GALNTL6: variants seen among roughly 807,000 people sequenced by gnomAD.
The protein encoded by GALNTL6 is polypeptide N-acetylgalactosaminyltransferase-like 6.
Under a neutral mutation model 73.7 loss-of-function variants are expected in GALNTL6, and 46 were observed. The observed-to-expected ratio is 0.62, with a 90% confidence interval of 0.49 to 0.80. GALNTL6 has a LOEUF of 0.80. Among genes scored for constraint, GALNTL6 ranks in the 30% least tolerant of loss-of-function variants. The pLI, the probability that GALNTL6 is intolerant of heterozygous loss-of-function variation, is 0.00. For missense variants in GALNTL6, 604 were observed against 755.0 expected, an observed-to-expected ratio of 0.80 and a Z score of 2.34; for synonymous variants, 259 against 263.7, an observed-to-expected ratio of 0.98 and a Z score of 0.17.
intron 5 of GALNTL6, among the ~76,000 whole-genome samples, chr4:172,656,734 CCT>C (rs1282220433): frequency 1.3e-5 from 2 of 152,192 alleles, no homozygotes; most frequent in African/African-American, 4.8e-5. Flanking sequence ...CCTAAGCACT[CCT>C]TAAAGTTTCC....
intron 2 of GALNTL6, among the ~76,000 whole-genome samples, chr4:172,042,981 C>G (rs575687571): frequency 3.4e-4 from 51 of 148,494 alleles, no homozygotes; most frequent in Non-Finnish European, 5.8e-4. Context: ...TCTCCAAAAT[C>G]TGGCTTTTGG....
chr4:172,271,172 AATATC>A (rs1242172459), intron 3 of GALNTL6, among the ~76,000 whole-genome samples: 1 of 152,150 alleles, frequency 6.6e-6, no homozygotes, highest in Non-Finnish European at 1.5e-5. Context: ...CAGTTGTTAA[AATATC>A]TTTACATGTT....
intron 8 of GALNTL6, among the ~76,000 whole-genome samples, chr4:172,921,093 C>G (rs538190609): frequency 2.6e-4 from 39 of 152,080 alleles, no homozygotes; most frequent in Admixed American, 2.4e-3. Context: ...AAGATAATGC[C>G]CGAGGGTGAC....
intron 5 of GALNTL6, among the ~76,000 whole-genome samples, chr4:172,718,722 T>C (rs1251570042): frequency 6.6e-6 from 1 of 151,680 alleles, no homozygotes; most frequent in Admixed American, 6.5e-5. Context: ...GAAGTCAATA[T>C]GCTAGGCAGA....
intron 7 of GALNTL6, among the ~76,000 whole-genome samples, chr4:172,840,415 C>T (rs1349820534): frequency 1.3e-5 from 2 of 152,000 alleles, no homozygotes; most frequent in African/African-American, 2.4e-5. Context: ...AGCTGCTGGG[C>T]CCTGAACAGC....
chr4:172,180,585 T>G (rs1029850028), intron 2 of GALNTL6, among the ~76,000 whole-genome samples: 4 of 152,228 alleles, frequency 2.6e-5, no homozygotes, highest in African/African-American at 9.6e-5. Context: ...GTTTTAGGCT[T>G]CACGTGTAAG....
chr4:172,215,240 A>G (rs1230427923), intron 2 of GALNTL6, among the ~76,000 whole-genome samples: 2 of 152,148 alleles, frequency 1.3e-5, no homozygotes, highest in African/African-American at 4.8e-5. Flanking sequence ...GGGATTGAAT[A>G]TTCTAAAAAT....
At chr4:172,493,804 C>A (rs549235464) in intron 5 of GALNTL6, among the ~76,000 whole-genome samples, 1 of 152,266 alleles carries the variant, frequency 6.6e-6, no homozygotes, top group East Asian at 1.9e-4. Flanking sequence ...ATATTAAGGG[C>A]ATTAATAGCT....
At chr4:172,478,024 T>A (rs1392376753) in intron 5 of GALNTL6, among the ~76,000 whole-genome samples, 1 of 152,196 alleles carries the variant, frequency 6.6e-6, no homozygotes, top group Non-Finnish European at 1.5e-5. Flanking sequence ...GTAGAGGCAC[T>A]CTTTGTACCT....
At chr4:171,930,215 C>T (rs1451177111) in intron 2 of GALNTL6, among the ~76,000 whole-genome samples, 2 of 152,336 alleles carry the variant, frequency 1.3e-5, no homozygotes, top group East Asian at 1.9e-4. Flanking sequence ...CATGCCCAGT[C>T]CAACAATCAA....
chr4:172,638,029 T>A (rs1739776259), intron 5 of GALNTL6, among the ~76,000 whole-genome samples: 1 of 152,180 alleles, frequency 6.6e-6, no homozygotes, highest in South Asian at 2.1e-4. Flanking sequence ...CTCTTCACTT[T>A]CTTTCTTTAA....
intron 5 of GALNTL6, among the ~76,000 whole-genome samples, chr4:172,390,673 C>T (rs2111301983): frequency 6.6e-6 from 1 of 152,272 alleles, no homozygotes; most frequent in African/African-American, 2.4e-5. Context: ...GGTCTTGATA[C>T]ATATCCCTCA....
intron 2 of GALNTL6, among the ~76,000 whole-genome samples, chr4:171,992,153 A>G (rs183054358): frequency 1.2e-4 from 18 of 152,186 alleles, no homozygotes. Context: ...TTGGCTGCCA[A>G]TTAGATTGAT....
In GALNTL6 at chr4:172,093,827, T is replaced by G. The variant is rs187293493; in HGVS notation, c.139-135829T>G. ...AGAGAAGATCATGCCTGATGACGTA[T>G]CACTGTCTCCCATCATCGTGAGACT... On this transcript the variant is annotated intron_variant, in intron 2 of 12. Coordinates refer to ENST00000506823, the MANE Select transcript of GALNTL6 (RefSeq NM_001034845.3). 2.8e-4 allele frequency among the ~76,000 whole-genome samples: 42 copies of G among 152,350 alleles called. No homozygotes were observed. In the East Asian group the frequency reaches 7.7e-3, roughly 28 times the overall value.
chr4:172,007,995 A>G (rs1341199623), intron 2 of GALNTL6, among the ~76,000 whole-genome samples: 1 of 151,960 alleles, frequency 6.6e-6, no homozygotes, highest in Non-Finnish European at 1.5e-5. Context: ...GTGTCTAGAC[A>G]TTTTTAAATT....
chr4:172,692,241 G>A (rs549500614), intron 5 of GALNTL6, among the ~76,000 whole-genome samples: 5 of 151,998 alleles, frequency 3.3e-5, no homozygotes, highest in African/African-American at 9.6e-5. Flanking sequence ...CTAATATCAA[G>A]TATTTCACAA....
At chr4:172,842,450 A>G (rs1743264429) in intron 7 of GALNTL6, among the ~76,000 whole-genome samples, 1 of 152,178 alleles carries the variant, frequency 6.6e-6, no homozygotes, top group Non-Finnish European at 1.5e-5. Flanking sequence ...CTGCTCAAAT[A>G]AAGAGGCATC....
intron 5 of GALNTL6, among the ~76,000 whole-genome samples, chr4:172,423,002 T>G (rs921598259): frequency 3.3e-5 from 5 of 151,738 alleles, no homozygotes; most frequent in South Asian, 2.1e-4. Context: ...AAAGTATAGA[T>G]ATTTCTATAC....
chr4:172,338,288 TAG>T (rs1235817124), intron 4 of GALNTL6, among the ~76,000 whole-genome samples: 1 of 152,180 alleles, frequency 6.6e-6, no homozygotes, highest in Non-Finnish European at 1.5e-5. Flanking sequence ...GGAATATTGC[TAG>T]AGAGTGAGCG....
Sources: allele counts gnomAD v4.1 joint callset (sites outside exome capture counted in the v4.1 genomes callset), GRCh38; gene constraint gnomAD v4.1.1; transcripts MANE v1.5; gene names NCBI Gene and HGNC (gene_info 2026-07-23, HGNC 2026-07-21).